The following CNTN6 variants were observed in gnomAD, a reference collection of about 807,000 sequenced individuals.
CNTN6 encodes the protein contactin-6.
CNTN6 carries 137 observed loss-of-function variants against 122.8 expected under a neutral mutation model. That is an observed-to-expected ratio of 1.12 (90% CI 0.97 to 1.29). CNTN6 has a LOEUF of 1.29. Among genes scored for constraint, CNTN6 ranks in the 50% most tolerant of loss-of-function variants. The probability of loss-of-function intolerance (pLI) is 0.00; values close to 1 mark genes in which losing one functional copy is unlikely to be tolerated. For synonymous variants in CNTN6, 570 were observed against 426.0 expected (o/e 1.34, Z -4.16); for missense variants, 1,634 against 1,223.4 (o/e 1.34, Z -5.01).
At position 1,142,966 on chromosome 3, in the gene CNTN6, G is replaced by GTATATATA. The variant is rs1408347529; in HGVS notation, c.-82-4960_-82-4959insATATATAT. 4.1e-3 allele frequency among the ~76,000 whole-genome samples: 397 copies of GTATATATA among 96,392 alleles called. 3 individuals are homozygous for GTATATATA. Among genetic ancestry groups the GTATATATA allele is most frequent in the African/African-American group, 0.015 (342 of 23,304 alleles). 63.2% of individuals were successfully genotyped at this position (96,392 alleles called of 152,430 possible). The stretch of plus-strand genomic sequence containing the variant: ...GATACATATAAATTTGTGTGTGTGT[G>GTATATATA]TGTATATATATATATATATATATAT... On this transcript the variant is annotated intron_variant, in intron 1 of 22. Transcript: ENST00000446702.
chr3:1,333,613 G>A (rs1460117570), intron 11 of CNTN6, among the ~76,000 whole-genome samples: 2 of 151,970 alleles, frequency 1.3e-5, no homozygotes, highest in African/African-American at 4.8e-5. Context: ...CTTCTATATG[G>A]TACTGTCTAC....
intron 1 of CNTN6, among the ~76,000 whole-genome samples, chr3:1,095,045 G>A (rs753207538): frequency 2.6e-5 from 4 of 152,044 alleles, no homozygotes; most frequent in African/African-American, 9.6e-5. Context: ...CAGATAAGAT[G>A]AGAGATAAAT....
intron 1 of CNTN6, among the ~76,000 whole-genome samples, chr3:1,116,662 A>C (rs2091730282): frequency 1.3e-5 from 2 of 152,060 alleles, no homozygotes; most frequent in South Asian, 4.2e-4. Context: ...TACCTGTTAA[A>C]ATTGGATGCC....
chr3:1,286,175 G>C (rs569032818), intron 5 of CNTN6, among the ~76,000 whole-genome samples: 27 of 152,168 alleles, frequency 1.8e-4, no homozygotes, highest in Non-Finnish European at 3.2e-4. Flanking sequence ...CAGATGTTGG[G>C]GAGATAGGAA....
intron 2 of CNTN6, among the ~76,000 whole-genome samples, chr3:1,172,101 C>A (rs2093367852): frequency 6.6e-6 from 1 of 152,140 alleles, no homozygotes; most frequent in Admixed American, 6.5e-5. Context: ...TCAGGAAAAT[C>A]TCCCATTAAA....
intron 12 of CNTN6, among the ~76,000 whole-genome samples, chr3:1,370,282 C>A (rs192935219): frequency 6.6e-6 from 1 of 151,084 alleles, no homozygotes; most frequent in Non-Finnish European, 1.5e-5. Flanking sequence ...ATGTGCACAA[C>A]GTGGGAATTG....
chr3:1,313,288 C>T (rs534757875), intron 7 of CNTN6, among the ~76,000 whole-genome samples: 1 of 152,176 alleles, frequency 6.6e-6, no homozygotes, highest in South Asian at 2.1e-4. Context: ...ATTCATGTTT[C>T]ATGTGCAGAT....
intron 4 of CNTN6, among the ~76,000 whole-genome samples, chr3:1,277,131 T>C (rs1289845219): frequency 2.6e-5 from 4 of 152,154 alleles, no homozygotes; most frequent in Non-Finnish European, 5.9e-5. Flanking sequence ...TCTATTATTA[T>C]GGGAGAAGGA....
At position 1,367,378 on chromosome 3, in the gene CNTN6, A is replaced by G. The variant is rs546960859; in HGVS notation, c.1493-4921A>G. ...ATGCTACTCTCTACTATGTAAGAAT[A>G]TATTTCTTAGCGTGACATCCAGAGC... is the stretch of plus-strand genomic sequence containing the variant. On this transcript the variant is annotated intron_variant, in intron 12 of 22. Transcript: ENST00000446702. 1.2e-4 allele frequency among the ~76,000 whole-genome samples: 18 copies of G among 152,084 alleles called. 2 individuals carry two copies. In the South Asian group the frequency reaches 2.9e-3, roughly 25 times the overall value.
At chr3:1,368,654 C>T (rs1242212442) in intron 12 of CNTN6, among the ~76,000 whole-genome samples, 1 of 151,636 alleles carries the variant, frequency 6.6e-6, no homozygotes, top group Non-Finnish European at 1.5e-5. Context: ...AACAATTGAC[C>T]AGAAAAGTAA....
At chr3:1,103,654 A>G (rs2091067786) in intron 1 of CNTN6, among the ~76,000 whole-genome samples, 1 of 152,236 alleles carries the variant, frequency 6.6e-6, no homozygotes, top group Admixed American at 6.5e-5. Flanking sequence ...TCAACATAGG[A>G]AGCCAAACAG....
At chr3:1,268,636 G>A (rs2094969310) in intron 4 of CNTN6, among the ~76,000 whole-genome samples, 1 of 151,054 alleles carries the variant, frequency 6.6e-6, no homozygotes, top group African/African-American at 2.4e-5. Flanking sequence ...ACAGTGTGAT[G>A]TGGCAGTTCT....
At chr3:1,265,343 T>A (rs1575477147) in intron 4 of CNTN6, among the ~76,000 whole-genome samples, 1 of 152,162 alleles carries the variant, frequency 6.6e-6, no homozygotes, top group African/African-American at 2.4e-5. Flanking sequence ...GTCCAGGTAA[T>A]TCCAGTGTAA....
chr3:1,243,306 C>T (rs1028743280), intron 4 of CNTN6, among the ~76,000 whole-genome samples: 9 of 152,272 alleles, frequency 5.9e-5, no homozygotes, highest in Non-Finnish European at 1.2e-4. Flanking sequence ...GGGGGAACGC[C>T]TGGCTGCTGC....
At chr3:1,362,458 A>G (rs918171471) in intron 12 of CNTN6, among the ~76,000 whole-genome samples, 12 of 152,152 alleles carry the variant, frequency 7.9e-5, no homozygotes, top group African/African-American at 2.4e-4. Context: ...AGGAAATGGC[A>G]TCTGTTAAAA....
chr3:1,269,976 C>T lies in CNTN6; in HGVS notation c.359-8437C>T, dbSNP rs188312421. 4.9e-4 allele frequency among the ~76,000 whole-genome samples: 74 copies of T among 152,296 alleles called. No individual in the cohort carries two copies. In the Middle Eastern group the frequency reaches 0.017, roughly 35 times the overall value. ...CAGGAGCTCTTAAAATAACTTCTTA[C>T]TTCCTACTTGGATATTAGCATTCCA... On this transcript the variant is annotated intron_variant, in intron 4 of 22. Transcript: ENST00000446702.
At chr3:1,098,346 C>G (rs2090651033) in intron 1 of CNTN6, among the ~76,000 whole-genome samples, 1 of 152,002 alleles carries the variant, frequency 6.6e-6, no homozygotes, top group African/African-American at 2.4e-5. Context: ...GAATTTCTTT[C>G]TTCAAAGAAA....
chr3:1,279,564 C>T (rs7624458), intron 5 of CNTN6, among the ~76,000 whole-genome samples: 9,978 of 152,216 alleles, frequency 0.066, 406 homozygotes, highest in African/African-American at 0.1. Context: ...TCCAAGGTCA[C>T]GCAGCTGGCA....
At chr3:1,378,359 C>T (rs1373347998) in intron 17 of CNTN6, among the ~76,000 whole-genome samples, 1 of 152,132 alleles carries the variant, frequency 6.6e-6, no homozygotes, top group Non-Finnish European at 1.5e-5. Flanking sequence ...CTTGCTGTAG[C>T]CTACTTCACA....
Sources: gnomAD v4.1 joint callset for allele counts (sites outside exome capture counted in the v4.1 genomes callset) on GRCh38, gnomAD v4.1.1 for gene constraint, MANE v1.5 for transcripts, NCBI Gene and HGNC (gene_info 2026-07-23, HGNC 2026-07-21) for gene names.